TMEM232: variants seen among roughly 807,000 people sequenced by gnomAD.
TMEM232 encodes transmembrane protein 232.
TMEM232 carries 80 observed loss-of-function variants against 78.8 expected under a neutral mutation model. That is an observed-to-expected ratio of 1.01 (90% confidence interval 0.85 to 1.22). The LOEUF (loss-of-function observed/expected upper bound fraction) is 1.22. Among genes scored for constraint, TMEM232 ranks in the 50% most tolerant of loss-of-function variants. TMEM232 has a pLI of 0.00. For synonymous variants in TMEM232, 297 were observed against 254.3 expected (o/e 1.17, Z -1.60); for missense variants, 881 against 742.2 (o/e 1.19, Z -2.17).
chr5:110,563,532 A>G (rs1035973238), intron 11 of TMEM232, among the ~76,000 whole-genome samples: 22 of 152,050 alleles, frequency 1.4e-4, no homozygotes, highest in African/African-American at 5.3e-4. Flanking sequence ...GAACAAAAAG[A>G]AAAGAATAAG....
intron 1 of TMEM232, among the ~76,000 whole-genome samples, chr5:110,712,105 CAAAAAAAAAAAAAA>C: frequency 1.5e-5 from 1 of 65,424 alleles, no homozygotes; most frequent in Non-Finnish European, 3.6e-5. Flanking sequence ...GACTCAATCT[CAAAAAAAAAAAAAA>C]AAAAAAAAAA....
At chr5:110,421,191 G>GA (rs1264083936) in intron 13 of TMEM232, among the ~76,000 whole-genome samples, 3 of 151,798 alleles carry the variant, frequency 2.0e-5, no homozygotes, top group Non-Finnish European at 2.9e-5. Flanking sequence ...AGTTAAAAAT[G>GA]AAATTAATGG....
At chr5:110,403,359 A>C (rs903966098) in intron 2 of TMEM232, among the ~76,000 whole-genome samples, 3 of 152,056 alleles carry the variant, frequency 2.0e-5, no homozygotes, top group African/African-American at 7.2e-5. Flanking sequence ...AAAACCTTCT[A>C]ATCCATTGTG....
chr5:110,424,691 T>C (rs1307321030), intron 13 of TMEM232, 132 bp downstream of exon 13: 2 of 725,822 alleles, frequency 2.8e-6, no homozygotes, highest in African/African-American at 1.8e-5. Context: ...ATAATTCAGT[T>C]TGGCAAACCA....
chr5:110,583,470 T>C (rs72771434), intron 10 of TMEM232, among the ~76,000 whole-genome samples: 18,991 of 151,762 alleles, frequency 0.13, 1,202 homozygotes, highest in Admixed American at 0.15. Flanking sequence ...ACCCTTATGC[T>C]ATACACAAAA....
intron 7 of TMEM232, among the ~76,000 whole-genome samples, chr5:110,622,420 A>G (rs1166283959): frequency 6.6e-6 from 1 of 152,190 alleles, no homozygotes; most frequent in Non-Finnish European, 1.5e-5. Flanking sequence ...TATTACTACC[A>G]AGTGACAACT....
Position 110,401,634 on chromosome 5 carries a change from G to C in TMEM232, n.309-3780C>G, listed in dbSNP as rs575612122. Reference sequence around the variant, plus strand: ...TTTGCTGAAGTGGTGTGCTTAATAAGTGTTTGCCATGCCTCAAATCCATAT... The same window carrying C: ...TTTGCTGAAGTGGTGTGCTTAATAACTGTTTGCCATGCCTCAAATCCATAT... On this transcript the variant is annotated intron_variant and non_coding_transcript_variant, in intron 2 of 8. Transcript: ENST00000507188. Among the ~76,000 whole-genome samples, 22 of 152,140 alleles carry C rather than the reference G, an allele frequency of 1.4e-4. 1 individual carries two copies. Among genetic ancestry groups the C allele is most frequent in the Admixed American group, 5.9e-4 (9 of 15,262 alleles).
intron 10 of TMEM232, among the ~76,000 whole-genome samples, chr5:110,580,403 G>A (rs1017309867): frequency 6.6e-6 from 1 of 151,632 alleles, no homozygotes; most frequent in African/African-American, 2.4e-5. Flanking sequence ...TAGCCTAGGA[G>A]CAATAGGCTA....
At chr5:110,417,548 G>A (rs1255316060), downstream of TMEM232, 1 of 150,240 alleles carries the variant, frequency 6.7e-6, no homozygotes, top group East Asian at 2.0e-4. Flanking sequence ...TTAAAGTATA[G>A]TAAAGTTTAT....
intron 12 of TMEM232, among the ~76,000 whole-genome samples, chr5:110,521,013 C>A (rs1207703033): frequency 6.6e-6 from 1 of 152,108 alleles, no homozygotes; most frequent in African/African-American, 2.4e-5. Context: ...ACACACTAAA[C>A]AGTATTGGCT....
At chr5:110,473,415 T>TA (rs1762890027) in intron 12 of TMEM232, among the ~76,000 whole-genome samples, 1 of 151,558 alleles carries the variant, frequency 6.6e-6, no homozygotes, top group African/African-American at 2.4e-5. Flanking sequence ...CAAAGTTATC[T>TA]AAAAAACAAA....
chr5:110,599,486 C>G (rs1033462924), intron 10 of TMEM232, among the ~76,000 whole-genome samples: 1 of 152,002 alleles, frequency 6.6e-6, no homozygotes, highest in African/African-American at 2.4e-5. Context: ...ATTTACCAAG[C>G]AAATGGAAAG....
intron 2 of TMEM232, among the ~76,000 whole-genome samples, chr5:110,411,255 G>T (rs1184310394): frequency 6.6e-6 from 1 of 152,080 alleles, no homozygotes; most frequent in African/African-American, 2.4e-5. Flanking sequence ...AGGAAACAAA[G>T]ATACAGGTAT....
chr5:110,587,679 ATATATATATATATGTGTG>A lies in TMEM232; in HGVS notation c.1276+17412_1276+17429del, dbSNP rs1365586262. ...TACATGTATGTATATATATATATATATATATATATATATGTGTGTGTGTGTGTGTGTGTGTGTGTGTGT... is the reference window on the plus strand; with the variant it reads ...TACATGTATGTATATATATATATATATGTGTGTGTGTGTGTGTGTGTGTGT... On this transcript the variant is annotated intron_variant, in intron 10 of 13. Transcript: ENST00000455884. 2.5e-3 allele frequency among the ~76,000 whole-genome samples: 243 copies of A among 98,688 alleles called. 1 individual carries two copies. Among genetic ancestry groups the A allele is most frequent in the African/African-American group, 0.011 (228 of 20,042 alleles). 64.7% of individuals were successfully genotyped at this position (98,688 alleles called of 152,430 possible). A position where few individuals can be genotyped will look rare whatever the true frequency, so the allele number is the denominator to read the frequency against.
intron 1 of TMEM232, among the ~76,000 whole-genome samples, chr5:110,692,003 C>T (rs113729617): frequency 0.01 from 1,565 of 150,606 alleles, 12 homozygotes; most frequent in Non-Finnish European, 0.017. Flanking sequence ...TCACTGCAAG[C>T]CCCACCTCCT....
intron 11 of TMEM232, among the ~76,000 whole-genome samples, chr5:110,542,357 T>C (rs1207486835): frequency 2.0e-5 from 3 of 152,170 alleles, no homozygotes; most frequent in African/African-American, 7.2e-5. Flanking sequence ...CCTTACAGCA[T>C]AAGTATCCAG....
At chr5:110,664,556 C>T (rs953767400) in intron 2 of TMEM232, among the ~76,000 whole-genome samples, 15 of 152,186 alleles carry the variant, frequency 9.9e-5, no homozygotes, top group South Asian at 4.1e-4. Context: ...TGGAAACAAA[C>T]GTAACAATAT....
At chr5:110,703,826 T>A (rs560736107) in intron 1 of TMEM232, among the ~76,000 whole-genome samples, 1 of 152,078 alleles carries the variant, frequency 6.6e-6, no homozygotes, top group East Asian at 1.9e-4. Context: ...GTCCTCTGCA[T>A]TGGTGGAATG....
chr5:110,390,886 T>G (rs1156845135), intron 3 of TMEM232, among the ~76,000 whole-genome samples: 1 of 152,156 alleles, frequency 6.6e-6, no homozygotes, highest in African/African-American at 2.4e-5. Context: ...TTGGGAAGAT[T>G]CATCTATCAT....
Sources: gnomAD v4.1 joint callset for allele counts (sites outside exome capture counted in the v4.1 genomes callset) on GRCh38, gnomAD v4.1.1 for gene constraint, MANE v1.5 for transcripts, NCBI Gene and HGNC (gene_info 2026-07-23, HGNC 2026-07-21) for gene names.